PEX14: variants seen among roughly 807,000 people sequenced by gnomAD.
PEX14 encodes peroxisomal biogenesis factor 14, also known as peroxisomal membrane protein PEX14.
PEX14 carries 15 observed loss-of-function variants against 49.5 expected under a neutral mutation model. The ratio of observed to expected loss-of-function variants is 0.30; its 90% CI spans 0.20 to 0.47. The LOEUF (loss-of-function observed/expected upper bound fraction) is 0.47. PEX14 is among the 20% of genes least tolerant of loss of function. The pLI is 1.00. For missense variants in PEX14, 398 were observed against 494.8 expected, an observed-to-expected ratio of 0.80 and a Z score of 1.86; for synonymous variants, 210 against 212.7, an observed-to-expected ratio of 0.99 and a Z score of 0.11.
intron 3 of PEX14, among the ~76,000 whole-genome samples, chr1:10,547,529 G>A (rs1351525984): frequency 1.3e-5 from 2 of 152,114 alleles, no homozygotes; most frequent in African/African-American, 4.8e-5. Context: ...GGCTAGTACC[G>A]AACTCTGTAT....
rs756676436 is a variant in PEX14, at chr1:10,618,415, A to G, written c.382A>G (p.Lys128Glu). ...GIAFGFHQLY[K>E]KYLLPLILGG... Reference sequence around the variant, plus strand: ...TGCATTTGGCTTTCACCAGCTCTACAAGGTGAGTCACCCCCAGCGGCTGCA... The same window carrying G: ...TGCATTTGGCTTTCACCAGCTCTACGAGGTGAGTCACCCCCAGCGGCTGCA... The change falls in exon 5 of 9, where the codon AAG becomes GAG. Residue 128 changes from lysine (K) to glutamate (E), a missense_variant and splice_region_variant. Transcript: ENST00000356607. 5.6e-6 allele frequency: 9 copies of G among 1,610,998 alleles called. No individual in the cohort carries two copies. The Admixed American group carries it at 8.3e-5, about 15-fold the overall frequency.
chr1:10,623,564 C>T lies in PEX14; in HGVS notation c.487+443C>T, dbSNP rs1354056520. On this transcript the variant is annotated intron_variant, in intron 6 of 8. Coordinates refer to ENST00000356607, the MANE Select transcript of PEX14 (RefSeq NM_004565.3). The surrounding 1 kb of genome is among the most constrained non-coding windows in gnomAD (Gnocchi z 4.4). ...CCTGTTATCGACTCAACAGGGCTCG[C>T]GTTCATTACCCAGTGCCCCAGCGAT... Among the ~76,000 whole-genome samples the T allele has an allele frequency of 2.0e-5, 3 of 152,246 alleles. No individual in the cohort carries two copies. Among genetic ancestry groups the T allele is most frequent in the South Asian group, 2.1e-4 (1 of 4,820 alleles).
intron 3 of PEX14, among the ~76,000 whole-genome samples, chr1:10,560,046 T>G (rs1639606948): frequency 6.6e-6 from 1 of 152,038 alleles, no homozygotes; most frequent in Non-Finnish European, 1.5e-5. Flanking sequence ...AATCTGATTT[T>G]TTTCTTCCAT....
Position 10,623,344 on chromosome 1 carries a change from G to A in PEX14, c.487+223G>A. 1.9e-6 allele frequency: 1 copy of A among 513,712 alleles called. No homozygotes were observed. The highest frequency in any genetic ancestry group is 3.6e-6 in the Non-Finnish European group (1 of 279,926). 31.8% of individuals were successfully genotyped at this position (513,712 alleles called of 1,614,324 possible). ...TCAATTAATTATGTTTTTACGGAAA[G>A]GCTCCCAACCTCAGAATATTAATAA... On this transcript the variant is annotated intron_variant, in intron 6 of 8. Transcript: ENST00000356607. The surrounding 1 kb of genome is among the most constrained non-coding windows in gnomAD (Gnocchi z 4.4).
chr1:10,536,590 ACTT>A (rs527297534), intron 3 of PEX14: 74 of 411,084 alleles, frequency 1.8e-4, no homozygotes, highest in African/African-American at 1.5e-3. Flanking sequence ...ACTGTGGAGG[ACTT>A]CTGGTTTTTG....
In PEX14 at chr1:10,630,150, A is replaced by G. The variant is rs1278598362; in HGVS notation, c.*163A>G. On this transcript the variant is annotated 3_prime_UTR_variant, in exon 9 of 9. Coordinates refer to ENST00000356607, the MANE Select transcript of PEX14 (RefSeq NM_004565.3). This position sits in a 1 kb window ranked among gnomAD's most constrained non-coding sequence, Gnocchi z 4.1. ...GCCTGGTGGCAGTGTGGGGAGTCACACTTCTGTCCACCTGGCCTCCTCTCG... is the reference window on the plus strand; with the variant it reads ...GCCTGGTGGCAGTGTGGGGAGTCACGCTTCTGTCCACCTGGCCTCCTCTCG... 1.8e-6 allele frequency: 2 copies of G among 1,121,704 alleles called. No homozygotes were observed. The highest frequency in any genetic ancestry group is 2.5e-6 in the Non-Finnish European group (2 of 805,906). The allele number at this position is 1,121,704 out of a possible 1,614,324, so 69.5% of individuals were successfully genotyped here.
chr1:10,610,368 T>TAC (rs777667797), intron 4 of PEX14, among the ~76,000 whole-genome samples: 72 of 70,224 alleles, frequency 1.0e-3, no homozygotes, highest in Non-Finnish European at 1.2e-3. Context: ...TATATATATA[T>TAC]ATATACACAC....
At chr1:10,531,363 T>C (rs1638645668) in intron 2 of PEX14, among the ~76,000 whole-genome samples, 1 of 152,208 alleles carries the variant, frequency 6.6e-6, no homozygotes, top group Non-Finnish European at 1.5e-5. Flanking sequence ...AAATGCAGCA[T>C]TTCTGTTTGA....
intron 3 of PEX14, among the ~76,000 whole-genome samples, chr1:10,572,688 CA>C (rs201747354): frequency 2.0e-4 from 29 of 148,358 alleles, no homozygotes; most frequent in Non-Finnish European, 3.0e-4. Context: ...GCGCCCCCCC[CA>C]CCACGCCCAG....
intron 2 of PEX14, among the ~76,000 whole-genome samples, chr1:10,518,378 C>A (rs952916875): frequency 1.3e-5 from 2 of 152,142 alleles, no homozygotes; most frequent in African/African-American, 4.8e-5. Flanking sequence ...AACCCGATGC[C>A]AGGGGGAACC....
At chr1:10,480,592 T>A (rs1237112573) in intron 1 of PEX14, among the ~76,000 whole-genome samples, 1 of 151,844 alleles carries the variant, frequency 6.6e-6, no homozygotes, top group Non-Finnish European at 1.5e-5. Flanking sequence ...GATGGGGTTT[T>A]GCCATGTTGG....
intron 3 of PEX14, 72 bp from the exon 4 acceptor site, chr1:10,599,166 A>T: frequency 2.7e-6 from 4 of 1,506,318 alleles, no homozygotes; most frequent in Non-Finnish European, 2.8e-6. Flanking sequence ...GTCTTTGCTC[A>T]GTGAAGATTC....
chr1:10,570,848 G>GTTTT (rs70997255), intron 3 of PEX14, among the ~76,000 whole-genome samples: 1 of 113,912 alleles, frequency 8.8e-6, no homozygotes, highest in Non-Finnish European at 1.7e-5. Flanking sequence ...TGTCAACAGG[G>GTTTT]TTTTTTTTTT....
At chr1:10,479,507 G>A (rs937039195) in intron 1 of PEX14, among the ~76,000 whole-genome samples, 1 of 152,214 alleles carries the variant, frequency 6.6e-6, no homozygotes, top group Non-Finnish European at 1.5e-5. Flanking sequence ...GTAGGAATGA[G>A]AAACGTTATC....
chr1:10,582,879 G>A (rs993724477), intron 3 of PEX14, among the ~76,000 whole-genome samples: 4 of 151,906 alleles, frequency 2.6e-5, no homozygotes, highest in Admixed American at 1.3e-4. Flanking sequence ...GATTACAGGC[G>A]CCTGCCACCA....
intron 3 of PEX14, among the ~76,000 whole-genome samples, chr1:10,567,528 G>A (rs896792634): frequency 6.6e-6 from 1 of 151,952 alleles, no homozygotes; most frequent in Non-Finnish European, 1.5e-5. Flanking sequence ...CAGTCTTGCT[G>A]TGTCACCCAG....
At chr1:10,509,121 T>G (rs1412949200) in intron 2 of PEX14, among the ~76,000 whole-genome samples, 1 of 152,082 alleles carries the variant, frequency 6.6e-6, no homozygotes, top group Non-Finnish European at 1.5e-5. Context: ...GTAATTTTTT[T>G]TTGTTGTTAG....
rs1393698242 is a variant in PEX14 at position 10,618,326 on chromosome 1, C to CT, written c.299-5dup. ...CTTCTAACCCTCCTCCTCTTCCCGC[C>CT]TGTAGGTCCCGCAGGCTCCCGATGG... On this transcript the variant is annotated splice_region_variant and splice_polypyrimidine_tract_variant and intron_variant, in intron 4 of 8. Coordinates refer to ENST00000356607, the MANE Select transcript of PEX14 (RefSeq NM_004565.3). The CT allele has an allele frequency of 6.2e-7, 1 of 1,613,382 alleles. No homozygotes were observed. Among genetic ancestry groups the CT allele is most frequent in the Non-Finnish European group, 8.5e-7 (1 of 1,179,530 alleles).
chr1:10,513,418 C>A (rs932833661), intron 2 of PEX14, among the ~76,000 whole-genome samples: 4 of 152,170 alleles, frequency 2.6e-5, no homozygotes, highest in Non-Finnish European at 5.9e-5. Context: ...CCAGTGTGTT[C>A]CCCTGTTCCA....
Sources: gnomAD v4.1 joint callset for allele counts (sites outside exome capture counted in the v4.1 genomes callset) on GRCh38, gnomAD v4.1.1 for gene constraint, Gnocchi (gnomAD v3.1) non-coding constraint, MANE v1.5 for transcripts, NCBI Gene and HGNC (gene_info 2026-07-23, HGNC 2026-07-21) for gene names.